ERAP1: variants seen among roughly 807,000 people sequenced by gnomAD.
ERAP1 encodes the protein adipocyte-derived leucine aminopeptidase.
In ERAP1, 86 loss-of-function variants were observed where a neutral mutation model predicts 103.7. The ratio of observed to expected loss-of-function variants is 0.83; its 90% CI spans 0.70 to 0.99. The LOEUF (loss-of-function observed/expected upper bound fraction) is 0.99, where lower values mean the gene tolerates loss of function less well. Among genes scored for constraint, ERAP1 ranks in the 50% least tolerant of loss-of-function variants. The pLI, the probability that ERAP1 is intolerant of heterozygous loss-of-function variation, is 0.00. For synonymous variants in ERAP1, 398 were observed against 402.4 expected (o/e 0.99, Z 0.13); for missense variants, 1,009 against 1,128.4 (o/e 0.89, Z 1.52).
chr5:96,916,433 C>G, the ERAP1 span, among the ~76,000 whole-genome samples: 1 of 147,194 alleles, frequency 6.8e-6, no homozygotes, highest in Non-Finnish European at 1.5e-5. Context: ...TTTAACAAAA[C>G]TATTGTTGGT....
chr5:96,809,053 T>G (rs1312503547), upstream of ERAP1, among the ~76,000 whole-genome samples: 4 of 152,222 alleles, frequency 2.6e-5, no homozygotes, highest in Non-Finnish European at 5.9e-5. Flanking sequence ...ATGCCTCCCC[T>G]TTTTAGACCA....
chr5:96,779,667 T>G (rs1774868896), intron 18 of ERAP1: 1 of 153,674 alleles, frequency 6.5e-6, no homozygotes, highest in African/African-American at 2.4e-5. Flanking sequence ...TTCCACAACT[T>G]TACTATAGGA....
chr5:96,848,325 A>G, the ERAP1 span, among the ~76,000 whole-genome samples: 1 of 152,240 alleles, frequency 6.6e-6, no homozygotes, highest in Admixed American at 6.5e-5. Flanking sequence ...TACTGGGATT[A>G]CAGGCATGAG....
At chr5:96,777,907 T>C (rs1312563671) in intron 18 of ERAP1, among the ~76,000 whole-genome samples, 1 of 152,196 alleles carries the variant, frequency 6.6e-6, no homozygotes, top group African/African-American at 2.4e-5. Context: ...CAGACTTGGC[T>C]CTTTAAGAAC....
the ERAP1 span, among the ~76,000 whole-genome samples, chr5:96,862,184 A>G: frequency 6.6e-6 from 1 of 151,870 alleles, no homozygotes; most frequent in African/African-American, 2.4e-5. Context: ...TAGAGATGGG[A>G]TCTTCCTATG....
chr5:96,767,851 A>C (rs1227780253), intron 19 of ERAP1: 2 of 993,538 alleles, frequency 2.0e-6, no homozygotes, highest in Non-Finnish European at 3.2e-6. Flanking sequence ...AAAAGACCCC[A>C]TATTGCATTT....
Position 96,776,440 on chromosome 5 carries a change from T to C in ERAP1, c.2782A>G (p.Lys928Glu). 6.2e-7 allele frequency: 1 copy of C among 1,614,006 alleles called. No individual in the cohort carries two copies. Among genetic ancestry groups the C allele is most frequent in the East Asian group, 2.2e-5 (1 of 44,884 alleles). ...NIGWMDKNFD[K>E]IRVWLQSEKL... is the part of the protein sequence containing the mutation. ...TCACTTTGCAGCCACACTCTGATTTTATCAAAATTCTTATCCATCCAACCG... is the reference window on the plus strand; with the variant it reads ...TCACTTTGCAGCCACACTCTGATTTCATCAAAATTCTTATCCATCCAACCG... Residue 928 changes from lysine to glutamate, a missense_variant, in exon 19 of 19, where the codon AAA becomes GAA. Transcript: ENST00000443439.
At chr5:96,917,481 C>A in the ERAP1 span, 1 of 1,602,558 alleles carries the variant, frequency 6.2e-7, no homozygotes, top group Non-Finnish European at 8.5e-7. Flanking sequence ...TTTTTTGAAT[C>A]TCTTGAGGCT....
the ERAP1 span, among the ~76,000 whole-genome samples, chr5:96,827,116 C>A: frequency 6.6e-6 from 1 of 152,222 alleles, no homozygotes; most frequent in Admixed American, 6.5e-5. Flanking sequence ...ACTGAGACTC[C>A]CCTCTAATTC....
At chr5:96,876,807 G>C in the ERAP1 span, among the ~76,000 whole-genome samples, 1 of 152,070 alleles carries the variant, frequency 6.6e-6, no homozygotes, top group Non-Finnish European at 1.5e-5. Flanking sequence ...AGGATGTTTT[G>C]TTCACTGCAT....
chr5:96,902,235 ATTCTT>A, the ERAP1 span: 54 of 1,369,998 alleles, frequency 3.9e-5, no homozygotes, highest in African/African-American at 6.0e-4. Flanking sequence ...TCACAGCAGC[ATTCTT>A]TTGGTCTGTA....
the ERAP1 span, chr5:96,900,316 T>C: frequency 7.2e-7 from 1 of 1,390,542 alleles, no homozygotes; most frequent in Non-Finnish European, 9.5e-7. Context: ...CCCCACGATT[T>C]TCTCTAAAAC....
the ERAP1 span, chr5:96,902,316 T>C: frequency 6.2e-7 from 1 of 1,612,574 alleles, no homozygotes; most frequent in South Asian, 1.1e-5. Flanking sequence ...CGAGTTCTTC[T>C]AATGTGATCC....
In ERAP1 at chr5:96,762,932, T is replaced by C. The variant is rs1025580742; in HGVS notation, c.*268A>G. Reference sequence around the variant, plus strand: ...TATTGTTTTAATTATTTACATGCTGTGAGGCAAGGCTGTGGGACCAAAGCT... The same window carrying C: ...TATTGTTTTAATTATTTACATGCTGCGAGGCAAGGCTGTGGGACCAAAGCT... On this transcript the variant is annotated 3_prime_UTR_variant, in exon 20 of 20. Coordinates refer to the ERAP1 transcript ENST00000296754. 18 of 532,718 alleles carry C rather than the reference T, an allele frequency of 3.4e-5. No individual in the cohort carries two copies. In the African/African-American group the frequency reaches 3.4e-4, roughly 10 times the overall value. The allele number at this position is 532,718 out of a possible 1,614,324, so 33.0% of individuals were successfully genotyped here. A position where few individuals can be genotyped will look rare whatever the true frequency, so the allele number is the denominator to read the frequency against.
chr5:96,866,546 C>T, the ERAP1 span, among the ~76,000 whole-genome samples: 1 of 152,268 alleles, frequency 6.6e-6, no homozygotes, highest in Middle Eastern at 3.4e-3. Context: ...CCAGCTCTGC[C>T]CCAGGGCCTG....
At chr5:96,794,171 CTTTTTTTTTTTTT>C (rs35041937) in intron 5 of ERAP1, among the ~76,000 whole-genome samples, 5 of 68,726 alleles carry the variant, frequency 7.3e-5, no homozygotes, top group African/African-American at 3.1e-4. Context: ...CATCTCAGGC[CTTTTTTTTTTTTT>C]TTTTTTTTTT....
Position 96,807,862 on chromosome 5 carries a change from G to A in ERAP1, c.-20C>T, listed in dbSNP as rs1778833503. On this transcript the variant is annotated splice_region_variant and 5_prime_UTR_variant, in exon 1 of 19. Coordinates refer to ENST00000443439, the MANE Select transcript of ERAP1 (RefSeq NM_001040458.3). ...CCCGCGGCTCGAGCGCGCTGTACCT[G>A]GGGTTCTGGGGCCGCCCTCACCCTT... is the stretch of plus-strand genomic sequence containing the variant. The A allele has an allele frequency of 1.0e-6, 1 of 986,010 alleles. No individual in the cohort carries two copies. The highest frequency in any genetic ancestry group is 4.7e-5 in the South Asian group (1 of 21,390). The allele number at this position is 986,010 out of a possible 1,614,324, so 61.1% of individuals were successfully genotyped here.
rs1773937187 is a variant in ERAP1, at chr5:96,775,132, AG to A, written c.*1263del. On this transcript the variant is annotated 3_prime_UTR_variant, in exon 19 of 19. Transcript: ENST00000443439. ...GAATAAGAAATAAAATCTAATTCTT[AG>A]GGTATTAACTGACTTGACTTGAACT... 1.0e-6 allele frequency: 1 copy of A among 985,434 alleles called. No homozygotes were observed. 61.0% of individuals were successfully genotyped at this position (985,434 alleles called of 1,614,324 possible).
chr5:96,845,419 G>A, the ERAP1 span, among the ~76,000 whole-genome samples: 5 of 152,098 alleles, frequency 3.3e-5, no homozygotes, highest in African/African-American at 1.2e-4. Flanking sequence ...ATTTTTAGTA[G>A]AGACAAGGTT....
Sources: allele counts gnomAD v4.1 joint callset (sites outside exome capture counted in the v4.1 genomes callset), GRCh38; gene constraint gnomAD v4.1.1; transcripts MANE v1.5; gene names NCBI Gene and HGNC (gene_info 2026-07-23, HGNC 2026-07-21).